SLC60A2: variants seen among roughly 807,000 people sequenced by gnomAD.
The protein encoded by SLC60A2 is solute carrier family 60 member 2.
chr6:111,276,084 CTTG>C, the SLC60A2 span, among the ~76,000 whole-genome samples: 1 of 152,174 alleles, frequency 6.6e-6, no homozygotes, highest in Admixed American at 6.5e-5. Context: ...AAGGATCATC[CTTG>C]TTGTAGCATG....
the SLC60A2 span, among the ~76,000 whole-genome samples, chr6:111,273,942 T>A: frequency 6.6e-6 from 1 of 152,052 alleles, no homozygotes; most frequent in Non-Finnish European, 1.5e-5. Flanking sequence ...AGGCAGGTCT[T>A]GAACTGCACT....
chr6:111,260,076 A>C, the SLC60A2 span, among the ~76,000 whole-genome samples: 7 of 151,940 alleles, frequency 4.6e-5, no homozygotes, highest in African/African-American at 1.7e-4. Context: ...AAGCCCGGCT[A>C]ATTTTTGTAT....
At chr6:111,278,556 C>T in the SLC60A2 span, 6 of 152,156 alleles carry the variant, frequency 3.9e-5, no homozygotes, top group African/African-American at 1.4e-4. Context: ...CCGTGCTGTT[C>T]TTGTGATAGT....
the SLC60A2 span, among the ~76,000 whole-genome samples, chr6:111,272,348 G>T: frequency 1.3e-5 from 2 of 152,130 alleles, no homozygotes; most frequent in Non-Finnish European, 2.9e-5. Flanking sequence ...AGTGATCAAA[G>T]CAGGGTAATT....
chr6:111,259,872 G>A, the SLC60A2 span: 16 of 540,358 alleles, frequency 3.0e-5, 1 homozygote, highest in South Asian at 4.1e-4. Flanking sequence ...AATCTTGGAG[G>A]AAATAGATTT....
chr6:111,263,882 G>A, the SLC60A2 span: 1 of 1,612,492 alleles, frequency 6.2e-7, no homozygotes, highest in Non-Finnish European at 8.5e-7. Context: ...CTTTTTGCAA[G>A]ACAGCAATAT....
At chr6:111,259,503 C>T in the SLC60A2 span, 1 of 511,046 alleles carries the variant, frequency 2.0e-6, no homozygotes, top group Admixed American at 3.9e-5. Flanking sequence ...CTGAGAAGCG[C>T]GGCGGCAGCA....
At chr6:111,265,975 T>C in the SLC60A2 span, 2 of 1,614,086 alleles carry the variant, frequency 1.2e-6, no homozygotes, top group Admixed American at 3.3e-5. Context: ...TTGGCTCCAC[T>C]GCTAGCTAAA....
chr6:111,277,655 A>G, the SLC60A2 span, among the ~76,000 whole-genome samples: 4 of 152,188 alleles, frequency 2.6e-5, no homozygotes, highest in East Asian at 1.9e-4. Context: ...AGTAACTCTT[A>G]TTGTAATAGG....
At chr6:111,267,228 A>G in the SLC60A2 span, 2 of 1,130,734 alleles carry the variant, frequency 1.8e-6, no homozygotes, top group Non-Finnish European at 2.5e-6. Context: ...TAAAATTTTT[A>G]GGTCCATATT....
At chr6:111,272,260 C>T in the SLC60A2 span, among the ~76,000 whole-genome samples, 3 of 152,000 alleles carry the variant, frequency 2.0e-5, no homozygotes, top group African/African-American at 7.3e-5. Context: ...GTCTAGGCCT[C>T]CCAAAGTGCT....
the SLC60A2 span, chr6:111,263,717 T>G: frequency 1.6e-6 from 1 of 606,192 alleles, no homozygotes; most frequent in South Asian, 2.3e-5. Flanking sequence ...TCTCATCTAC[T>G]CATTATCTAA....
the SLC60A2 span, among the ~76,000 whole-genome samples, chr6:111,275,241 C>T: frequency 9.2e-5 from 14 of 152,124 alleles, no homozygotes; most frequent in East Asian, 1.9e-4. Flanking sequence ...TTTATGTCTT[C>T]GTTTGCTTTG....
the SLC60A2 span, among the ~76,000 whole-genome samples, chr6:111,272,331 A>C: frequency 6.6e-6 from 1 of 152,034 alleles, no homozygotes; most frequent in South Asian, 2.1e-4. Context: ...ACATGCATAC[A>C]ATGTGTAGTG....
chr6:111,260,727 T>G, the SLC60A2 span, among the ~76,000 whole-genome samples: 1 of 152,166 alleles, frequency 6.6e-6, no homozygotes, highest in Non-Finnish European at 1.5e-5. Flanking sequence ...TCTTAGAGTA[T>G]TTTGATTGGG....
chr6:111,260,878 G>C, the SLC60A2 span, among the ~76,000 whole-genome samples: 1 of 152,254 alleles, frequency 6.6e-6, no homozygotes, highest in Non-Finnish European at 1.5e-5. Context: ...CGAAGTACGA[G>C]GTGCTTGCTG....
At chr6:111,274,393 G>A in the SLC60A2 span, among the ~76,000 whole-genome samples, 1 of 152,068 alleles carries the variant, frequency 6.6e-6, no homozygotes, top group Non-Finnish European at 1.5e-5. Context: ...GTGTGTTTAC[G>A]GGTGAAGTGA....
chr6:111,266,784 G>T, the SLC60A2 span: 1 of 1,614,014 alleles, frequency 6.2e-7, no homozygotes, highest in Non-Finnish European at 8.5e-7. Flanking sequence ...ATATAAATTA[G>T]CCACTTCACC....
At chr6:111,263,001 G>A in the SLC60A2 span, among the ~76,000 whole-genome samples, 766 of 151,990 alleles carry the variant, frequency 5.0e-3, 5 homozygotes, top group African/African-American at 0.016. Context: ...GCAGTGATGC[G>A]ATCTCTGCTC....
Sources: allele counts gnomAD v4.1 joint callset (sites outside exome capture counted in the v4.1 genomes callset), GRCh38; gene constraint gnomAD v4.1.1; transcripts MANE v1.5; gene names NCBI Gene and HGNC (gene_info 2026-07-23, HGNC 2026-07-21).